The following MAGI3 variants were observed in gnomAD, a reference collection of about 807,000 sequenced individuals.
The protein encoded by MAGI3 is membrane-associated guanylate kinase, WW and PDZ domain-containing protein 3.
Under a neutral mutation model 121.8 loss-of-function variants are expected in MAGI3, and 43 were observed. The ratio of observed to expected loss-of-function variants is 0.35; its 90% CI spans 0.28 to 0.46. MAGI3 has a LOEUF of 0.46. Ranked by LOEUF, MAGI3 falls within the 20% of genes least tolerant of loss-of-function variation. The pLI is 1.00. For missense variants in MAGI3, 1,547 were observed against 1,797.3 expected, an observed-to-expected ratio of 0.86 and a Z score of 2.52; for synonymous variants, 553 against 639.3, an observed-to-expected ratio of 0.86 and a Z score of 2.04.
In MAGI3 at chr1:113,672,660, C is replaced by T; in HGVS notation, c.2964C>T (p.Tyr988=). Residue 988 remains tyrosine, a synonymous_variant, in exon 18 of 21, where the codon TAC becomes TAT. Coordinates refer to ENST00000307546, the MANE Select transcript of MAGI3 (RefSeq NM_001142782.2). ...TTGGAAAAGATGTCTCCACTTCTTA[C>T]AGACATTCTTGGTCAGACCACAAGC... The part of the protein sequence containing the change: ...GEIGKDVSTS[Y]RHSWSDHKHL... The T allele has an allele frequency of 6.2e-7, 1 of 1,613,882 alleles. No homozygotes were observed. Among genetic ancestry groups the T allele is most frequent in the Non-Finnish European group, 8.5e-7 (1 of 1,179,860 alleles).
chr1:113,519,775 A>G (rs1235449814), intron 1 of MAGI3, among the ~76,000 whole-genome samples: 2 of 152,212 alleles, frequency 1.3e-5, no homozygotes, highest in Admixed American at 6.5e-5. Flanking sequence ...GGCTTGTCAC[A>G]TGGGCAGCCT....
At chr1:113,669,764 A>T (rs2101017128) in intron 16 of MAGI3, among the ~76,000 whole-genome samples, 1 of 152,224 alleles carries the variant, frequency 6.6e-6, no homozygotes, top group East Asian at 1.9e-4. Flanking sequence ...TCCTGACCTC[A>T]GGTGATCCGC....
intron 1 of MAGI3, among the ~76,000 whole-genome samples, chr1:113,518,928 A>G (rs893837459): frequency 1.3e-5 from 2 of 152,196 alleles, no homozygotes; most frequent in African/African-American, 4.8e-5. Context: ...CAGCTGGACA[A>G]TTTTTGGATA....
chr1:113,672,026 C>T (rs561920686), intron 17 of MAGI3, among the ~76,000 whole-genome samples, 190 bp downstream of exon 17: 1 of 152,328 alleles, frequency 6.6e-6, no homozygotes, highest in East Asian at 1.9e-4. Flanking sequence ...TCAGTACCTT[C>T]GTCCCTCTTC....
chr1:113,626,023 T>C (rs1651215781), intron 9 of MAGI3, among the ~76,000 whole-genome samples: 1 of 152,176 alleles, frequency 6.6e-6, no homozygotes, highest in African/African-American at 2.4e-5. Context: ...TGGAGGGCAG[T>C]GGCATGATCT....
intron 1 of MAGI3, among the ~76,000 whole-genome samples, chr1:113,525,012 G>GA (rs1335595647): frequency 2.0e-5 from 3 of 152,136 alleles, no homozygotes; most frequent in Non-Finnish European, 4.4e-5. Context: ...TTATAAAGGG[G>GA]AGTTTTCTTG....
intron 1 of MAGI3, among the ~76,000 whole-genome samples, chr1:113,430,262 A>G (rs1216342004): frequency 1.3e-5 from 2 of 152,168 alleles, no homozygotes; most frequent in African/African-American, 4.8e-5. Flanking sequence ...CAGCTCTATC[A>G]TTTCTAGTAC....
intron 1 of MAGI3, among the ~76,000 whole-genome samples, chr1:113,471,754 A>C (rs1284840161): frequency 3.3e-5 from 5 of 152,200 alleles, no homozygotes; most frequent in Non-Finnish European, 7.3e-5. Flanking sequence ...CACCTTAGTA[A>C]TGTATTACAA....
intron 1 of MAGI3, among the ~76,000 whole-genome samples, chr1:113,511,111 G>C (rs1015637999): frequency 6.6e-6 from 1 of 152,102 alleles, no homozygotes; most frequent in South Asian, 2.1e-4. Flanking sequence ...TATTGTATTG[G>C]GTGCAGTTGC....
rs71090716 is a variant in MAGI3, at chr1:113,633,238, A to ATTTTTTT, written c.1361-8638_1361-8632dup. On this transcript the variant is annotated intron_variant, in intron 9 of 20. Transcript: ENST00000307546. ...TCCCTACAAAGGACATGAACTCATCATTTTTTTTTTTTTTTTTTTTTTTTT... is the reference window on the plus strand; with the variant it reads ...TCCCTACAAAGGACATGAACTCATCATTTTTTTTTTTTTTTTTTTTTTTTTTTTTTTT... Among the ~76,000 whole-genome samples, 36 of 56,670 alleles carry ATTTTTTT rather than the reference A, an allele frequency of 6.4e-4. 13 individuals are homozygous for ATTTTTTT. The highest frequency in any genetic ancestry group is 1.9e-3 in the East Asian group (3 of 1,546). The allele number at this position is 56,670 out of a possible 152,430, so 37.2% of individuals were successfully genotyped here.
In MAGI3 at chr1:113,685,021, A is replaced by T. The variant is rs1156881910; in HGVS notation, c.*1007A>T. 6.6e-6 allele frequency: 1 copy of T among 152,336 alleles called. No homozygotes were observed. The highest frequency in any genetic ancestry group is 2.4e-5 in the African/African-American group (1 of 41,450). The allele number at this position is 152,336 out of a possible 1,614,324, so 9.4% of individuals were successfully genotyped here. The stretch of plus-strand genomic sequence containing the variant: ...AACCAGTTTCACAGTCCAAGTACCA[A>T]CTCTTCTGGTAGCAGGTGCACAAGC... On this transcript the variant is annotated 3_prime_UTR_variant, in exon 21 of 21. Coordinates refer to ENST00000307546, the MANE Select transcript of MAGI3 (RefSeq NM_001142782.2).
At chr1:113,525,241 A>T (rs977965388) in intron 1 of MAGI3, among the ~76,000 whole-genome samples, 1 of 152,188 alleles carries the variant, frequency 6.6e-6, no homozygotes, top group Non-Finnish European at 1.5e-5. Flanking sequence ...AATTTCCTTT[A>T]TAGCTTTTTC....
At chr1:113,425,751 A>C (rs550853814) in intron 1 of MAGI3, among the ~76,000 whole-genome samples, 1 of 152,190 alleles carries the variant, frequency 6.6e-6, no homozygotes, top group South Asian at 2.1e-4. Context: ...ATCCGTCGTA[A>C]TAGACCCTGT....
At chr1:113,679,263 C>T (rs994741847) in intron 19 of MAGI3, among the ~76,000 whole-genome samples, 1 of 152,082 alleles carries the variant, frequency 6.6e-6, no homozygotes, top group Admixed American at 6.5e-5. Context: ...CTTCCCTCCC[C>T]CCATCTTGTA....
chr1:113,460,683 C>A (rs1296789578), intron 1 of MAGI3, among the ~76,000 whole-genome samples: 7 of 152,170 alleles, frequency 4.6e-5, no homozygotes, highest in Middle Eastern at 3.4e-3. Context: ...GTGGTGGGTG[C>A]CTATAGTCCC....
chr1:113,445,185 A>G (rs1003393057), intron 1 of MAGI3, among the ~76,000 whole-genome samples: 1 of 152,086 alleles, frequency 6.6e-6, no homozygotes, highest in Middle Eastern at 3.2e-3. Flanking sequence ...GGAAGAGGGA[A>G]TATTTGAAGG....
intron 1 of MAGI3, among the ~76,000 whole-genome samples, chr1:113,429,403 C>G (rs908152185): frequency 3.3e-5 from 5 of 152,170 alleles, no homozygotes; most frequent in African/African-American, 4.8e-5. Flanking sequence ...GTACACTCCA[C>G]AGGGTGGGAG....
intron 1 of MAGI3, among the ~76,000 whole-genome samples, chr1:113,407,649 A>G (rs1214765958): frequency 7.2e-5 from 11 of 151,840 alleles, no homozygotes; most frequent in Non-Finnish European, 1.6e-4. Context: ...CAGTTTTTCT[A>G]ATTTTACAGA....
chr1:113,650,196 ACAG>A (rs1653077962), intron 13 of MAGI3, among the ~76,000 whole-genome samples: 1 of 152,168 alleles, frequency 6.6e-6, no homozygotes, highest in South Asian at 2.1e-4. Context: ...TACAGTTACA[ACAG>A]TCATTGGAGA....
Sources: allele counts gnomAD v4.1 joint callset (sites outside exome capture counted in the v4.1 genomes callset), GRCh38; gene constraint gnomAD v4.1.1; transcripts MANE v1.5; gene names NCBI Gene and HGNC (gene_info 2026-07-23, HGNC 2026-07-21).